Variants in ZNF654 observed in about 807,000 individuals in gnomAD.
ZNF654 encodes the protein melanoma-associated antigen.
A neutral mutation model predicts 95.3 loss-of-function variants in ZNF654; 19 were observed. The ratio of observed to expected loss-of-function variants is 0.20; its 90% CI spans 0.14 to 0.29. The LOEUF (loss-of-function observed/expected upper bound fraction) is 0.29, where lower values mean the gene tolerates loss of function less well. Ranked by LOEUF, ZNF654 falls within the 10% of genes least tolerant of loss-of-function variation. The pLI is 1.00. For synonymous variants in ZNF654, 413 were observed against 457.9 expected (o/e 0.90, Z 1.25); for missense variants, 1,046 against 1,341.0 (o/e 0.78, Z 3.44).
At position 88,128,916 on chromosome 3, in the gene ZNF654, A is replaced by G. The variant is rs1237378197; in HGVS notation, c.658A>G (p.Ile220Val). 9 of 1,535,538 alleles carry G rather than the reference A, an allele frequency of 5.9e-6. No homozygotes were observed. The highest frequency in any genetic ancestry group is 7.0e-6 in the Non-Finnish European group (8 of 1,146,584). The change falls in exon 5 of 9, where the codon ATA (isoleucine) becomes GTA (valine). Residue 220 changes from isoleucine to valine, a missense_variant. By Grantham distance (29) the Ile-to-Val change is conservative. Coordinates refer to ENST00000636215, the MANE Select transcript of ZNF654 (RefSeq NM_001350134.2). ...AGCAATGGCTCTTATTAAATCTTGTATAAATCACCCAGAAATCAGTAAAGA... is the reference window on the plus strand; with the variant it reads ...AGCAATGGCTCTTATTAAATCTTGTGTAAATCACCCAGAAATCAGTAAAGA... ...PEAMALIKSC[I>V]NHPEISKDLY...
intron 2 of ZNF654, among the ~76,000 whole-genome samples, chr3:88,090,807 G>C (rs1442416215): frequency 1.3e-5 from 2 of 152,104 alleles, no homozygotes; most frequent in Non-Finnish European, 2.9e-5. Flanking sequence ...GAAGAATAGG[G>C]ATTGTCTTGG....
At chr3:88,113,514 A>G (rs1341806707) in intron 3 of ZNF654, among the ~76,000 whole-genome samples, 4 of 152,274 alleles carry the variant, frequency 2.6e-5, no homozygotes, top group East Asian at 3.9e-4. Flanking sequence ...TAAGCTGTCT[A>G]TCCCATGCCA....
intron 1 of ZNF654, among the ~76,000 whole-genome samples, chr3:88,069,237 C>T (rs1707369590): frequency 6.6e-6 from 1 of 152,190 alleles, no homozygotes; most frequent in South Asian, 2.1e-4. Context: ...GCCTGGCCAA[C>T]ATGGTGAAAC....
At position 88,139,842 on chromosome 3, in the gene ZNF654, C is replaced by T; in HGVS notation, c.2173C>T (p.His725Tyr). The change falls in exon 8 of 9, where the codon CAT (histidine) becomes TAT (tyrosine). Residue 725 changes from histidine to tyrosine, a missense_variant. Coordinates refer to ENST00000636215, the MANE Select transcript of ZNF654 (RefSeq NM_001350134.2). ...YDLNQETSVI[H>Y]KINGTVCHPK... ...CCTGAATCAAGAAACTTCAGTAATT[C>T]ATAAAATCAATGGAACTGTGTGCCA... The T allele has an allele frequency of 6.3e-7, 1 of 1,583,012 alleles. No homozygotes were observed. The highest frequency in any genetic ancestry group is 1.1e-5 in the South Asian group (1 of 87,380).
Position 88,140,368 on chromosome 3 carries a change from C to T in ZNF654, c.2699C>T (p.Ser900Leu), listed in dbSNP as rs776483646. The T allele has an allele frequency of 4.3e-6, 7 of 1,612,978 alleles. No individual in the cohort carries two copies. In the South Asian group the frequency reaches 4.4e-5, roughly 10 times the overall value. ...TCAAATCCTAATCAGGAAAAAGACT[C>T]ATCTAGTAATGAGAAACAAACTATT... ...TDSNPNQEKD[S>L]SSNEKQTISL... The change falls in exon 8 of 9, where the codon TCA becomes TTA. Residue 900 changes from serine to leucine, a missense_variant. Coordinates refer to ENST00000636215, the MANE Select transcript of ZNF654 (RefSeq NM_001350134.2).
rs1705207218 is a variant in ZNF654, at chr3:88,113,365, T to TA, written c.414+171dup. On this transcript the variant is annotated intron_variant, in intron 3 of 8. Transcript: ENST00000636215. ...GGCTGATAAAGAAAATTCATACAAT[T>TA]AATTTTTAACTGTATTTCCAAGCAG... Among the ~76,000 whole-genome samples, 3 of 152,252 alleles carry TA rather than the reference T, an allele frequency of 2.0e-5. No individual in the cohort carries two copies. In the South Asian group the frequency reaches 6.2e-4, roughly 32 times the overall value.
chr3:88,090,423 T>A (rs1296466008), intron 2 of ZNF654, among the ~76,000 whole-genome samples: 1 of 151,924 alleles, frequency 6.6e-6, no homozygotes, highest in African/African-American at 2.4e-5. Context: ...ATGGAAAAAA[T>A]TTAAAGAATA....
intron 1 of ZNF654, among the ~76,000 whole-genome samples, chr3:88,073,483 A>G (rs376133935): frequency 6.6e-6 from 1 of 152,216 alleles, no homozygotes; most frequent in East Asian, 1.9e-4. Context: ...AAAGTAAGCT[A>G]TCGAAGTATC....
At chr3:88,099,106 C>G (rs1704242425) in intron 2 of ZNF654, among the ~76,000 whole-genome samples, 1 of 152,144 alleles carries the variant, frequency 6.6e-6, no homozygotes, top group African/African-American at 2.4e-5. Flanking sequence ...AGCCCAAAAT[C>G]TCCTTAAGCT....
intron 2 of ZNF654, among the ~76,000 whole-genome samples, chr3:88,108,320 A>G (rs1245494097): frequency 7.2e-5 from 11 of 152,146 alleles, no homozygotes; most frequent in Non-Finnish European, 1.6e-4. Context: ...AGTCAAGGCA[A>G]GCTATTTTAT....
chr3:88,086,349 A>G lies in ZNF654; in HGVS notation c.279A>G (p.Ala93=), dbSNP rs1462465165. The G allele has an allele frequency of 1.3e-6, 2 of 1,535,644 alleles. No homozygotes were observed. Among genetic ancestry groups the G allele is most frequent in the Middle Eastern group, 1.7e-4 (1 of 5,778 alleles). Residue 93 remains alanine (A), a synonymous_variant, in exon 2 of 9, where the codon GCA becomes GCG. Transcript: ENST00000636215. ...TTTGTTGTTTTACAACAGCCAGTGC[A>G]TCATTCCCAGATGAATGTGAGCATG... ...TALCCFTTAS[A]SFPDECEHVQ...
At chr3:88,110,690 G>A (rs1705036780) in intron 2 of ZNF654, among the ~76,000 whole-genome samples, 1 of 151,988 alleles carries the variant, frequency 6.6e-6, no homozygotes, top group Non-Finnish European at 1.5e-5. Context: ...CTTCCGTAAG[G>A]AGAGCTATAC....
chr3:88,095,067 A>G (rs1459765915), intron 2 of ZNF654, among the ~76,000 whole-genome samples: 1 of 152,154 alleles, frequency 6.6e-6, no homozygotes, highest in African/African-American at 2.4e-5. Context: ...TAAGCAAATC[A>G]TATATTTTTA....
chr3:88,125,245 C>A (rs55928667), intron 3 of ZNF654, among the ~76,000 whole-genome samples: 10,196 of 149,600 alleles, frequency 0.068, 469 homozygotes, highest in Non-Finnish European at 0.1. Context: ...CAAAAAAAAA[C>A]CAATATCTAA....
At chr3:88,083,096 C>T (rs2107651883) in intron 1 of ZNF654, among the ~76,000 whole-genome samples, 1 of 152,050 alleles carries the variant, frequency 6.6e-6, no homozygotes, top group Non-Finnish European at 1.5e-5. Context: ...TCCTCACCAC[C>T]AATCCTACTG....
At chr3:88,075,709 T>G (rs1470779232) in intron 1 of ZNF654, among the ~76,000 whole-genome samples, 1 of 152,228 alleles carries the variant, frequency 6.6e-6, no homozygotes, top group Admixed American at 6.5e-5. Flanking sequence ...TTTTTGTGTT[T>G]GTTTACATTT....
At chr3:88,108,767 C>T (rs1310334491) in intron 2 of ZNF654, among the ~76,000 whole-genome samples, 2 of 151,588 alleles carry the variant, frequency 1.3e-5, no homozygotes, top group Non-Finnish European at 2.9e-5. Flanking sequence ...GCCAGTAATT[C>T]ATATATGCCA....
intron 1 of ZNF654, among the ~76,000 whole-genome samples, chr3:88,061,346 A>G (rs566669521): frequency 3.9e-5 from 6 of 152,300 alleles, no homozygotes; most frequent in South Asian, 4.1e-4. Context: ...TTTAACAACA[A>G]ATGAAGTTGA....
At position 88,116,588 on chromosome 3, in the gene ZNF654, AT is replaced by A. The variant is rs1369541968; in HGVS notation, c.414+3394del. 4.0e-5 allele frequency among the ~76,000 whole-genome samples: 6 copies of A among 151,070 alleles called. No homozygotes were observed. In the South Asian group the frequency reaches 1.0e-3, roughly 26 times the overall value. ...CACACACACACACACATGCACATAT[AT>A]TATATATATGTGTGTATATATGTTG... On this transcript the variant is annotated intron_variant, in intron 3 of 8. Coordinates refer to ENST00000636215, the MANE Select transcript of ZNF654 (RefSeq NM_001350134.2).
Sources: gnomAD v4.1 joint callset for allele counts (sites outside exome capture counted in the v4.1 genomes callset) on GRCh38, gnomAD v4.1.1 for gene constraint, MANE v1.5 for transcripts, NCBI Gene and HGNC (gene_info 2026-07-23, HGNC 2026-07-21) for gene names.